SDK2: variants seen among roughly 807,000 people sequenced by gnomAD.
SDK2 encodes the protein sidekick cell adhesion molecule 2, also known as protein sidekick-2.
A neutral mutation model predicts 253.9 loss-of-function variants in SDK2; 105 were observed. The ratio of observed to expected loss-of-function variants is 0.41; its 90% confidence interval spans 0.35 to 0.49. The LOEUF is 0.49. SDK2 is among the 20% of genes least tolerant of loss of function. The pLI, the probability that SDK2 is intolerant of heterozygous loss-of-function variation, is 0.06. For missense variants in SDK2, 2,608 were observed against 3,003.0 expected (o/e 0.87, Z 3.07); for synonymous variants, 1,249 against 1,234.9 (o/e 1.01, Z -0.24).
At chr17:73,354,153 C>T (rs916138283) in intron 40 of SDK2, among the ~76,000 whole-genome samples, 1 of 151,966 alleles carries the variant, frequency 6.6e-6, no homozygotes, top group Admixed American at 6.6e-5. Flanking sequence ...GCGATCCTCA[C>T]ATCTCAGCCT....
At chr17:73,527,885 C>T (rs561637480) in intron 1 of SDK2, among the ~76,000 whole-genome samples, 93 of 152,130 alleles carry the variant, frequency 6.1e-4, no homozygotes, top group Middle Eastern at 3.4e-3. Context: ...GTGGCTTTTT[C>T]GCTAGGATTC....
rs370894414 is a variant in SDK2, at chr17:73,454,735, TCTGGAGG to T, written c.479+1164_479+1170del. 2.0e-3 allele frequency among the ~76,000 whole-genome samples: 306 copies of T among 152,288 alleles called. 1 individual carries two copies. Among genetic ancestry groups the T allele is most frequent in the African/African-American group, 6.4e-3 (268 of 41,564 alleles). On this transcript the variant is annotated intron_variant, in intron 4 of 44. Coordinates refer to ENST00000392650, the MANE Select transcript of SDK2 (RefSeq NM_001144952.2). ...TTATTTGAGATGGAGTCTGGTTTTG[TCTGGAGG>T]CTGGAGGCTGGAGTGCAGTGGCCCG...
chr17:73,483,679 A>G (rs200080048), intron 2 of SDK2, among the ~76,000 whole-genome samples: 12,423 of 52,572 alleles, frequency 0.24, 2,187 homozygotes, highest in East Asian at 0.39. Context: ...ATATATATAT[A>G]TATTTATATA....
At chr17:73,396,836 C>A (rs1177919442) in intron 24 of SDK2, among the ~76,000 whole-genome samples, 1 of 152,174 alleles carries the variant, frequency 6.6e-6, no homozygotes, top group African/African-American at 2.4e-5. Flanking sequence ...AGCAAAGAGG[C>A]AGGAGGTGGG....
intron 1 of SDK2, among the ~76,000 whole-genome samples, chr17:73,574,852 T>C (rs1374155932): frequency 1.3e-5 from 2 of 152,184 alleles, no homozygotes; most frequent in African/African-American, 4.8e-5. Flanking sequence ...TATGAGTCTC[T>C]GGTGGAAACC....
chr17:73,443,890 G>A lies in SDK2; in HGVS notation c.614-2967C>T, dbSNP rs12449408. Among the ~76,000 whole-genome samples, 12,161 of 152,236 alleles carry A rather than the reference G, an allele frequency of 0.08. 765 individuals are homozygous for A. The highest frequency in any genetic ancestry group is 0.22 in the Admixed American group (3,349 of 15,288). On this transcript the variant is annotated intron_variant, in intron 5 of 44. Coordinates refer to ENST00000392650, the MANE Select transcript of SDK2 (RefSeq NM_001144952.2). This position sits in a 1 kb window ranked among gnomAD's most constrained non-coding sequence, Gnocchi z 4.6. ...TCTTTCCTAGGTGAATGCTTGACAC[G>A]TGCCAGGCTGTGTTCCAGGCACCAG...
rs933487790 is a variant in SDK2, at chr17:73,422,638, G to A, written c.1898-204C>T. On this transcript the variant is annotated intron_variant, in intron 14 of 44. Coordinates refer to ENST00000392650, the MANE Select transcript of SDK2 (RefSeq NM_001144952.2). Reference sequence around the variant, plus strand: ...TGGGGAGGAGACGGTGGAGGGTGCCGGAGGAAAGTAAGGGCTTATGGGAAC... The same window carrying A: ...TGGGGAGGAGACGGTGGAGGGTGCCAGAGGAAAGTAAGGGCTTATGGGAAC... Among the ~76,000 whole-genome samples the A allele has an allele frequency of 5.9e-5, 9 of 152,162 alleles. 1 individual carries two copies. The South Asian group carries it at 8.3e-4, about 14-fold the overall frequency.
intron 24 of SDK2, among the ~76,000 whole-genome samples, chr17:73,396,054 T>G (rs183342293): frequency 3.3e-5 from 5 of 152,264 alleles, no homozygotes; most frequent in African/African-American, 1.2e-4. Flanking sequence ...TGTGCCACTA[T>G]GCCTGCTAAG....
At chr17:73,460,519 T>C (rs1351412714) in intron 3 of SDK2, among the ~76,000 whole-genome samples, 1 of 152,218 alleles carries the variant, frequency 6.6e-6, no homozygotes, top group Non-Finnish European at 1.5e-5. Context: ...TAGAAGAGTA[T>C]ATAAAAGTGT....
intron 40 of SDK2, chr17:73,357,369 T>C (rs1204470313): frequency 1.3e-5 from 2 of 153,222 alleles, no homozygotes; most frequent in Non-Finnish European, 2.9e-5. Context: ...AACAAAATCT[T>C]GTTTTCCTTC....
chr17:73,370,066 C>T (rs544480347), intron 36 of SDK2, among the ~76,000 whole-genome samples: 23 of 152,268 alleles, frequency 1.5e-4, no homozygotes, highest in African/African-American at 5.3e-4. Flanking sequence ...ATTTGGCGCC[C>T]CCTGCTGGCC....
At chr17:73,407,065 AGT>A (rs1417517573) in intron 18 of SDK2, among the ~76,000 whole-genome samples, 1 of 152,250 alleles carries the variant, frequency 6.6e-6, no homozygotes, top group East Asian at 1.9e-4. Context: ...TGGAATTGAA[AGT>A]GTGAGTATCT....
chr17:73,639,580 G>A lies in SDK2; in HGVS notation c.64+4445C>T, dbSNP rs1021145401. Among the ~76,000 whole-genome samples the A allele has an allele frequency of 4.6e-5, 7 of 152,112 alleles. No individual in the cohort carries two copies. Among genetic ancestry groups the A allele is most frequent in the Admixed American group, 6.6e-5 (1 of 15,264 alleles). ...CAAATTATGATGACTAATTCCCACC[G>A]CTTTAGGCAGCTCCAGGGCTGTCTG... On this transcript the variant is annotated intron_variant, in intron 1 of 44. Coordinates refer to ENST00000392650, the MANE Select transcript of SDK2 (RefSeq NM_001144952.2). The surrounding 1 kb of genome is among the most constrained non-coding windows in gnomAD (Gnocchi z 4.3).
rs2046417399 is a variant in SDK2 at position 73,643,025 on chromosome 17, C to G, written c.64+1000G>C. 1 of 152,304 alleles carries G rather than the reference C, an allele frequency of 6.6e-6. No homozygotes were observed. Among genetic ancestry groups the G allele is most frequent in the Non-Finnish European group, 1.5e-5 (1 of 68,148 alleles). 9.4% of individuals were successfully genotyped at this position (152,304 alleles called of 1,614,324 possible). ...GGAGCTCGGTCCAGGCTTCGTCTCC[C>G]TCCGCCCCCAGCAGGCGCCGCTCGG... On this transcript the variant is annotated intron_variant, in intron 1 of 44. Coordinates refer to ENST00000392650, the MANE Select transcript of SDK2 (RefSeq NM_001144952.2). This position sits in a 1 kb window ranked among gnomAD's most constrained non-coding sequence, Gnocchi z 6.9.
In SDK2 at chr17:73,435,635, G is replaced by T; in HGVS notation, c.1010C>A (p.Pro337Gln). ...DIPCQAKGVP[P>Q]PSITWYKDAA... ...GTCCTTGTACCAGGTGATGGAGGGC[G>T]GCGGCACACCTGTGGGCAAGACGTG... The change falls in exon 9 of 45, where the codon CCG becomes CAG. Residue 337 changes from proline to glutamine, a missense_variant. Around this residue, in one of 2 missense-constraint regions of SDK2, gnomAD observed 1,505 missense variants for 1,859.1 expected, o/e 0.81. Transcript: ENST00000392650. The surrounding 1 kb of genome is among the most constrained non-coding windows in gnomAD (Gnocchi z 5.7). The T allele has an allele frequency of 6.4e-7, 1 of 1,562,720 alleles. No individual in the cohort carries two copies.
At chr17:73,588,387 CAAAAA>C (rs1215654213) in intron 1 of SDK2, among the ~76,000 whole-genome samples, 6 of 59,032 alleles carry the variant, frequency 1.0e-4, no homozygotes, top group Admixed American at 1.8e-4. Flanking sequence ...AACTCCATCT[CAAAAA>C]AAAAAAAAAA....
rs867866844 is a variant in SDK2 at position 73,534,007 on chromosome 17, G to T, written c.65-26410C>A. On this transcript the variant is annotated intron_variant, in intron 1 of 44. Coordinates refer to ENST00000392650, the MANE Select transcript of SDK2 (RefSeq NM_001144952.2). The surrounding 1 kb of genome is among the most constrained non-coding windows in gnomAD (Gnocchi z 4.9). Reference sequence around the variant, plus strand: ...GTGATGCGGCAACATCTGCACCTCCGCTTGCAGCCAAGACGCCATTCTGCT... The same window carrying T: ...GTGATGCGGCAACATCTGCACCTCCTCTTGCAGCCAAGACGCCATTCTGCT... Among the ~76,000 whole-genome samples, 2 of 152,048 alleles carry T rather than the reference G, an allele frequency of 1.3e-5. No homozygotes were observed. The highest frequency in any genetic ancestry group is 2.9e-5 in the Non-Finnish European group (2 of 68,002).
chr17:73,507,255 G>A (rs2063943165), intron 2 of SDK2, among the ~76,000 whole-genome samples, 183 bp downstream of exon 2: 1 of 152,242 alleles, frequency 6.6e-6, no homozygotes, highest in African/African-American at 2.4e-5. Flanking sequence ...CCTCTGCAGG[G>A]ATCAGTAGGG....
Position 73,534,158 on chromosome 17 carries a change from C to T in SDK2, c.65-26561G>A, listed in dbSNP as rs1352161257. Among the ~76,000 whole-genome samples the T allele has an allele frequency of 1.3e-5, 2 of 152,146 alleles. No individual in the cohort carries two copies. The highest frequency in any genetic ancestry group is 4.8e-5 in the African/African-American group (2 of 41,426). On this transcript the variant is annotated intron_variant, in intron 1 of 44. Coordinates refer to ENST00000392650, the MANE Select transcript of SDK2 (RefSeq NM_001144952.2). This position sits in a 1 kb window ranked among gnomAD's most constrained non-coding sequence, Gnocchi z 4.9. ...GCCTGGGGATGTCTGCACTTTTATT[C>T]AGCAACCACGGGACAATGCAGTGCA...
Sources: allele counts gnomAD v4.1 joint callset (sites outside exome capture counted in the v4.1 genomes callset), GRCh38; gene constraint gnomAD v4.1.1; regional missense constraint gnomAD v4.1.1; non-coding constraint Gnocchi (gnomAD v3.1); transcripts MANE v1.5; gene names NCBI Gene and HGNC (gene_info 2026-07-23, HGNC 2026-07-21).